Variants in SDK1 observed in about 807,000 individuals in gnomAD.
The protein encoded by SDK1 is protein sidekick-1.
SDK1 carries 157 observed loss-of-function variants against 245.5 expected under a neutral mutation model. The ratio of observed to expected loss-of-function variants is 0.64; its 90% CI spans 0.56 to 0.73. SDK1 has a LOEUF of 0.73. SDK1 is among the 30% of genes least tolerant of loss of function. SDK1 has a pLI of 0.00. For synonymous variants in SDK1, 1,647 were observed against 1,278.5 expected (o/e 1.29, Z -6.15); for missense variants, 3,583 against 3,002.3 (o/e 1.19, Z -4.52).
chr7:3,427,931 A>G (rs935574678), intron 1 of SDK1, among the ~76,000 whole-genome samples: 2 of 151,094 alleles, frequency 1.3e-5, no homozygotes, highest in African/African-American at 2.4e-5. Context: ...TCATTCCCAT[A>G]GTCAGCTATT....
At chr7:3,870,928 A>G (rs1211453550) in intron 5 of SDK1, among the ~76,000 whole-genome samples, 1 of 152,178 alleles carries the variant, frequency 6.6e-6, no homozygotes, top group Non-Finnish European at 1.5e-5. Context: ...TTGGAAGGGT[A>G]CTGGTCAGTT....
chr7:3,987,317 A>AT lies in SDK1; in HGVS notation c.2126_2127insT (p.Glu709AspfsTer16). ...CTTTATTACATCGTGGAGCTCTCTG[A>AT]AAACAGTAAGTAGCAAAATGAAACT... On this transcript the variant is annotated frameshift_variant, in exon 14 of 45. Coordinates refer to ENST00000404826, the MANE Select transcript of SDK1 (RefSeq NM_152744.4). LOFTEE classifies it high-confidence loss of function. 6.2e-7 allele frequency: 1 copy of AT among 1,613,752 alleles called. No homozygotes were observed. The highest frequency in any genetic ancestry group is 8.5e-7 in the Non-Finnish European group (1 of 1,179,828).
At chr7:3,524,560 T>G (rs58601265) in intron 1 of SDK1, among the ~76,000 whole-genome samples, 40,441 of 151,910 alleles carry the variant, frequency 0.27, 5,560 homozygotes, top group East Asian at 0.34. Flanking sequence ...TCATGTACAC[T>G]TGTACATGTA....
chr7:3,556,193 A>G (rs1308760528), intron 1 of SDK1, among the ~76,000 whole-genome samples: 1 of 150,694 alleles, frequency 6.6e-6, no homozygotes, highest in Non-Finnish European at 1.5e-5. Context: ...TGAATGGATA[A>G]AGAAAATGTG....
At position 4,206,011 on chromosome 7, in the gene SDK1, C is replaced by T. The variant is rs142014896; in HGVS notation, c.5214+17C>T. ...GGCTACAAGGCAAGGCCCTCCCGTG[C>T]GGTTGCCTCCCCTGGCTCGCTTGGG... On this transcript the variant is annotated intron_variant, in intron 36 of 44. Transcript: ENST00000404826. 4,340 of 1,483,166 alleles carry T rather than the reference C, an allele frequency of 2.9e-3. 17 individuals carry two copies. The highest frequency in any genetic ancestry group is 3.2e-3 in the Non-Finnish European group (3,564 of 1,100,298). The allele number at this position is 1,483,166 out of a possible 1,614,324, so 91.9% of individuals were successfully genotyped here. A position where few individuals can be genotyped will look rare whatever the true frequency, so the allele number is the denominator to read the frequency against.
chr7:4,084,724 A>ATGT (rs1554335476), intron 22 of SDK1, among the ~76,000 whole-genome samples: 1 of 115,526 alleles, frequency 8.7e-6, no homozygotes, highest in Admixed American at 8.4e-5. Context: ...ATGTTATGTT[A>ATGT]TGTTATGTTG....
chr7:4,021,460 T>C (rs1450549133), intron 17 of SDK1, among the ~76,000 whole-genome samples: 1 of 152,178 alleles, frequency 6.6e-6, no homozygotes, highest in Non-Finnish European at 1.5e-5. Flanking sequence ...TTAAACAAGA[T>C]AGAGCTGTGT....
intron 4 of SDK1, among the ~76,000 whole-genome samples, chr7:3,691,732 G>A (rs553330405): frequency 6.6e-5 from 10 of 152,210 alleles, no homozygotes; most frequent in South Asian, 6.2e-4. Context: ...GTGTGAATGC[G>A]TAGAAGTCAG....
At chr7:3,390,037 G>T (rs1420855625) in intron 1 of SDK1, among the ~76,000 whole-genome samples, 1 of 152,184 alleles carries the variant, frequency 6.6e-6, no homozygotes, top group African/African-American at 2.4e-5. Flanking sequence ...AACTGTAGCT[G>T]AATTGTGTCT....
intron 1 of SDK1, among the ~76,000 whole-genome samples, chr7:3,564,416 G>C (rs887474576): frequency 6.6e-6 from 1 of 152,074 alleles, no homozygotes; most frequent in African/African-American, 2.4e-5. Flanking sequence ...TTGAACCCAG[G>C]AGGCTGAGGT....
At chr7:3,809,953 G>C (rs1779345695) in intron 4 of SDK1, among the ~76,000 whole-genome samples, 1 of 152,220 alleles carries the variant, frequency 6.6e-6, no homozygotes, top group Non-Finnish European at 1.5e-5. Flanking sequence ...CTCTGCAGAG[G>C]CTGCAGGTGC....
chr7:3,366,908 AT>A (rs1381929993), intron 1 of SDK1, among the ~76,000 whole-genome samples: 1 of 151,780 alleles, frequency 6.6e-6, no homozygotes, highest in African/African-American at 2.4e-5. Context: ...TGCCCAGCTA[AT>A]TTTTGTATTT....
At chr7:3,776,286 A>G (rs1396071753) in intron 4 of SDK1, among the ~76,000 whole-genome samples, 1 of 152,220 alleles carries the variant, frequency 6.6e-6, no homozygotes, top group Non-Finnish European at 1.5e-5. Context: ...TGTGTATGCA[A>G]AGGGCCATGG....
intron 42 of SDK1, among the ~76,000 whole-genome samples, chr7:4,238,450 G>C (rs569623091): frequency 1.3e-5 from 2 of 152,214 alleles, no homozygotes; most frequent in Admixed American, 1.3e-4. Context: ...TGTAATCCTA[G>C]TGATTTTGGA....
chr7:3,958,027 T>C, intron 7 of SDK1: 1 of 470,858 alleles, frequency 2.1e-6, no homozygotes, highest in Non-Finnish European at 4.4e-6. Flanking sequence ...CATTTCTCTT[T>C]TTCATCTTTT....
chr7:3,578,888 C>T (rs902503818), intron 1 of SDK1, among the ~76,000 whole-genome samples: 1 of 151,594 alleles, frequency 6.6e-6, no homozygotes, highest in African/African-American at 2.4e-5. Flanking sequence ...TACAGTTAAC[C>T]CAATCAAAGT....
intron 22 of SDK1, among the ~76,000 whole-genome samples, chr7:4,097,655 C>CT (rs569984082): frequency 4.0e-4 from 61 of 152,286 alleles, no homozygotes; most frequent in African/African-American, 1.4e-3. Context: ...AAGCCAAATG[C>CT]TTTTATCTCA....
At position 4,033,279 on chromosome 7, in the gene SDK1, C is replaced by G. The variant is rs76530595; in HGVS notation, c.2602+15927C>G. Among the ~76,000 whole-genome samples the G allele has an allele frequency of 3.0e-3, 450 of 152,208 alleles. 11 individuals carry two copies. In the East Asian group the frequency reaches 0.066, roughly 22 times the overall value. On this transcript the variant is annotated intron_variant, in intron 17 of 44. Transcript: ENST00000404826. Reference sequence around the variant, plus strand: ...TATGGAAAAAATACAAAACTGTATCCATTCCCTACCCCCATATACAAGGAT... The same window carrying G: ...TATGGAAAAAATACAAAACTGTATCGATTCCCTACCCCCATATACAAGGAT...
At chr7:3,850,447 G>A (rs766862845) in intron 5 of SDK1, among the ~76,000 whole-genome samples, 4 of 152,194 alleles carry the variant, frequency 2.6e-5, no homozygotes, top group Non-Finnish European at 5.9e-5. Context: ...AAGACAATGC[G>A]GCGATCCCTC....
Sources: allele counts gnomAD v4.1 joint callset (sites outside exome capture counted in the v4.1 genomes callset), GRCh38; gene constraint gnomAD v4.1.1; transcripts MANE v1.5; gene names NCBI Gene and HGNC (gene_info 2026-07-23, HGNC 2026-07-21).